Variants in ENTREP2 observed in about 807,000 individuals in gnomAD.
ENTREP2 encodes endosomal transmembrane epsin interactor 2, also known as protein ENTREP2.
At chr15:29,655,261 T>C in the ENTREP2 span, among the ~76,000 whole-genome samples, 3 of 152,298 alleles carry the variant, frequency 2.0e-5, no homozygotes, top group African/African-American at 2.4e-5. Context: ...AAAAACTCTC[T>C]GGTAGCACAA....
the ENTREP2 span, among the ~76,000 whole-genome samples, chr15:29,662,356 G>A: frequency 6.6e-6 from 1 of 151,874 alleles, no homozygotes; most frequent in African/African-American, 2.4e-5. Context: ...ACATCCAAAA[G>A]TTTTGGTTTT....
chr15:29,654,755 G>C, the ENTREP2 span, among the ~76,000 whole-genome samples: 1 of 152,176 alleles, frequency 6.6e-6, no homozygotes, highest in African/African-American at 2.4e-5. Context: ...TCTTGATAAA[G>C]TGTTACTAGA....
the ENTREP2 span, among the ~76,000 whole-genome samples, chr15:29,141,083 G>A: frequency 6.6e-6 from 1 of 152,232 alleles, no homozygotes; most frequent in Non-Finnish European, 1.5e-5. Context: ...GTGGGTGCAC[G>A]TGGAAGTGAT....
chr15:29,290,831 C>G, the ENTREP2 span, among the ~76,000 whole-genome samples: 3 of 152,206 alleles, frequency 2.0e-5, no homozygotes, highest in Non-Finnish European at 4.4e-5. Flanking sequence ...TTGAGACTAG[C>G]AGCCAGCACT....
chr15:29,616,083 T>C, the ENTREP2 span, among the ~76,000 whole-genome samples: 1 of 152,228 alleles, frequency 6.6e-6, no homozygotes, highest in African/African-American at 2.4e-5. Flanking sequence ...CACACATATG[T>C]TGTTGCTAGA....
the ENTREP2 span, among the ~76,000 whole-genome samples, chr15:29,361,270 C>A: frequency 6.6e-6 from 1 of 152,168 alleles, no homozygotes. Context: ...CACCTAGACT[C>A]CTCCATCCAA....
chr15:29,350,800 G>A, the ENTREP2 span, among the ~76,000 whole-genome samples: 1 of 152,126 alleles, frequency 6.6e-6, no homozygotes, highest in African/African-American at 2.4e-5. Context: ...AAAATTAGCT[G>A]GGCATGGTGG....
the ENTREP2 span, among the ~76,000 whole-genome samples, chr15:29,491,348 C>T: frequency 1.3e-5 from 2 of 152,178 alleles, no homozygotes; most frequent in Non-Finnish European, 2.9e-5. Context: ...TGAAGGGCTC[C>T]TCAAGCGTGG....
At chr15:29,618,283 C>T in the ENTREP2 span, among the ~76,000 whole-genome samples, 37 of 152,006 alleles carry the variant, frequency 2.4e-4, no homozygotes, top group Middle Eastern at 3.4e-3. Flanking sequence ...ATTAGCTGGG[C>T]GTGGTGGCAG....
the ENTREP2 span, among the ~76,000 whole-genome samples, chr15:29,491,549 T>C: frequency 6.6e-6 from 1 of 152,174 alleles, no homozygotes; most frequent in Admixed American, 6.5e-5. Flanking sequence ...TTTCATATTG[T>C]AGAAGGCTTT....
At chr15:29,300,456 T>C in the ENTREP2 span, among the ~76,000 whole-genome samples, 1 of 109,324 alleles carries the variant, frequency 9.1e-6, no homozygotes, top group Non-Finnish European at 1.7e-5. Flanking sequence ...GGATGGATGT[T>C]GAGGCATGGC....
the ENTREP2 span, among the ~76,000 whole-genome samples, chr15:29,371,911 A>AATAC: frequency 6.7e-6 from 1 of 149,498 alleles, no homozygotes; most frequent in Non-Finnish European, 1.5e-5. Flanking sequence ...AAAATAAATA[A>AATAC]ATAGATAGAT....
At chr15:29,332,047 C>T in the ENTREP2 span, among the ~76,000 whole-genome samples, 15 of 152,132 alleles carry the variant, frequency 9.9e-5, no homozygotes, top group African/African-American at 3.1e-4. Context: ...ATAAATAATC[C>T]GTGTCAATAA....
At chr15:29,380,080 G>A in the ENTREP2 span, among the ~76,000 whole-genome samples, 3 of 151,952 alleles carry the variant, frequency 2.0e-5, no homozygotes, top group African/African-American at 7.3e-5. Context: ...GGTGGGGGGT[G>A]GGGAGATAGT....
the ENTREP2 span, among the ~76,000 whole-genome samples, chr15:29,264,535 T>C: frequency 1.3e-5 from 2 of 152,304 alleles, no homozygotes; most frequent in South Asian, 2.1e-4. Flanking sequence ...GCATTGCTTC[T>C]GTGATATTCT....
chr15:29,434,970 G>C, the ENTREP2 span, among the ~76,000 whole-genome samples: 1 of 152,276 alleles, frequency 6.6e-6, no homozygotes, highest in African/African-American at 2.4e-5. Context: ...TCTCAGCTAT[G>C]ATCCAGGTTG....
chr15:29,627,652 C>T, the ENTREP2 span, among the ~76,000 whole-genome samples: 1 of 151,996 alleles, frequency 6.6e-6, no homozygotes, highest in Non-Finnish European at 1.5e-5. Context: ...CCTTATTCCC[C>T]GTTTTGCTAG....
the ENTREP2 span, chr15:29,609,955 T>C: frequency 6.6e-6 from 1 of 150,528 alleles, no homozygotes; most frequent in African/African-American, 2.4e-5. Context: ...TGTACTTAAA[T>C]ACTGTTAAGC....
the ENTREP2 span, among the ~76,000 whole-genome samples, chr15:29,424,167 C>A: frequency 6.6e-6 from 1 of 152,188 alleles, no homozygotes; most frequent in African/African-American, 2.4e-5. Context: ...AAAGGTAATG[C>A]AAACCCAAAG....
Sources: gnomAD v4.1 joint callset for allele counts (sites outside exome capture counted in the v4.1 genomes callset) on GRCh38, gnomAD v4.1.1 for gene constraint, MANE v1.5 for transcripts, NCBI Gene and HGNC (gene_info 2026-07-23, HGNC 2026-07-21) for gene names.